COPG2: variants seen among roughly 807,000 people sequenced by gnomAD.
COPG2 encodes the protein coat protein complex I subunit gamma 2, also known as coatomer subunit gamma-2.
Under a neutral mutation model 46.3 loss-of-function variants are expected in COPG2, and 37 were observed. That is an observed-to-expected ratio of 0.80 (90% confidence interval 0.61 to 1.05). COPG2 has a LOEUF of 1.05. Ranked by LOEUF, COPG2 falls within the 50% of genes least tolerant of loss-of-function variation. COPG2 has a pLI of 0.00. For missense variants in COPG2, 427 were observed against 387.8 expected (o/e 1.10, Z -0.85); for synonymous variants, 159 against 129.7 (o/e 1.23, Z -1.53).
chr7:130,513,290 T>TAAAA (rs1205677638), intron 20 of COPG2, among the ~76,000 whole-genome samples: 367 of 20,132 alleles, frequency 0.018, 32 homozygotes, highest in Middle Eastern at 0.036. Context: ...TAATTCTGTC[T>TAAAA]AAAAAAAAAA....
At chr7:130,558,360 A>G (rs1345324669) in intron 12 of COPG2, among the ~76,000 whole-genome samples, 4 of 152,148 alleles carry the variant, frequency 2.6e-5, no homozygotes, top group African/African-American at 9.7e-5. Context: ...TGCTCCTGCC[A>G]TGTAAGACGT....
chr7:130,645,095 T>C (rs1554457955), intron 5 of COPG2: 1 of 334,900 alleles, frequency 3.0e-6, no homozygotes, highest in Non-Finnish European at 5.8e-6. Context: ...AGAAAAGAAA[T>C]GCTTAAGCAT....
chr7:130,640,280 C>T (rs917403201), intron 5 of COPG2, among the ~76,000 whole-genome samples: 22 of 145,496 alleles, frequency 1.5e-4, no homozygotes, highest in African/African-American at 4.7e-4. Flanking sequence ...TTGGGTCAAA[C>T]TCAAGGTATA....
rs113222075 is a variant in COPG2, at chr7:130,657,963, T to C, written c.243+5004A>G. ...GTGATGGCGGGAATGATTACAAATA[T>C]TTTAGAAAAATGGGTTGGTAGTTTC... On this transcript the variant is annotated intron_variant, in intron 4 of 23. Coordinates refer to ENST00000425248, the MANE Select transcript of COPG2 (RefSeq NM_012133.6). Among the ~76,000 whole-genome samples, 1,237 of 152,310 alleles carry C rather than the reference T, an allele frequency of 8.1e-3. 9 individuals carry two copies. Among genetic ancestry groups the C allele is most frequent in the Middle Eastern group, 0.034 (10 of 294 alleles).
At chr7:130,623,974 C>T (rs527272509) in intron 5 of COPG2, among the ~76,000 whole-genome samples, 1 of 151,970 alleles carries the variant, frequency 6.6e-6, no homozygotes, top group Admixed American at 6.6e-5. Context: ...AAACAATAAA[C>T]ATTTATTTTT....
chr7:130,659,098 G>C (rs1795917184), intron 4 of COPG2, among the ~76,000 whole-genome samples: 1 of 152,034 alleles, frequency 6.6e-6, no homozygotes, highest in African/African-American at 2.4e-5. Context: ...GCTTACGCCT[G>C]CAATCCCAGC....
chr7:130,652,225 C>T (rs956491910), intron 5 of COPG2, among the ~76,000 whole-genome samples: 19 of 152,108 alleles, frequency 1.2e-4, no homozygotes, highest in Non-Finnish European at 2.9e-5. Context: ...AAGGATAGTT[C>T]CACAGATGTG....
chr7:130,550,515 A>C lies in COPG2; in HGVS notation c.1774+9T>G. The stretch of plus-strand genomic sequence containing the variant: ...ACTACTTATACACAGAAAAATGAAT[A>C]GAGTGAACCTGCTTTCTGTTCAAAG... On this transcript the variant is annotated intron_variant, in intron 17 of 23. Coordinates refer to ENST00000425248, the MANE Select transcript of COPG2 (RefSeq NM_012133.6). 1 of 396,490 alleles carries C rather than the reference A, an allele frequency of 2.5e-6. No individual in the cohort carries two copies. The highest frequency in any genetic ancestry group is 4.4e-6 in the Non-Finnish European group (1 of 224,786). The allele number at this position is 396,490 out of a possible 1,614,324, so 24.6% of individuals were successfully genotyped here. A position where few individuals can be genotyped will look rare whatever the true frequency, so the allele number is the denominator to read the frequency against.
At chr7:130,554,431 AAGTAT>A (rs1166961876) in intron 14 of COPG2, 45 bp downstream of exon 14, 1 of 398,114 alleles carries the variant, frequency 2.5e-6, no homozygotes, top group Non-Finnish European at 4.4e-6. Context: ...TCACTCTCTT[AAGTAT>A]TTCAAAAGAT....
At chr7:130,587,596 A>G (rs1794301650) in intron 9 of COPG2, among the ~76,000 whole-genome samples, 1 of 152,190 alleles carries the variant, frequency 6.6e-6, no homozygotes, top group South Asian at 2.1e-4. Flanking sequence ...CCATATGTAG[A>G]AAGCTGAAAC....
At chr7:130,562,825 G>C (rs1317385725) in intron 11 of COPG2, among the ~76,000 whole-genome samples, 1 of 152,132 alleles carries the variant, frequency 6.6e-6, no homozygotes, top group African/African-American at 2.4e-5. Flanking sequence ...GATTCACAGT[G>C]GGTTTCTACT....
chr7:130,567,270 T>TA (rs1167241510), intron 9 of COPG2, among the ~76,000 whole-genome samples: 2 of 151,952 alleles, frequency 1.3e-5, no homozygotes, highest in African/African-American at 2.4e-5. Flanking sequence ...AGGATGAGGA[T>TA]AAAAAAACTA....
At chr7:130,621,351 C>T (rs1449227000) in intron 5 of COPG2, among the ~76,000 whole-genome samples, 2 of 152,168 alleles carry the variant, frequency 1.3e-5, no homozygotes, top group Non-Finnish European at 2.9e-5. Context: ...GTAACTTGTT[C>T]CAGCAGCACT....
Position 130,668,706 on chromosome 7 carries a change from G to T in COPG2, c.-38C>A. The T allele has an allele frequency of 2.0e-6, 3 of 1,514,124 alleles. No homozygotes were observed. Among genetic ancestry groups the T allele is most frequent in the South Asian group, 1.3e-5 (1 of 79,662 alleles). The allele number at this position is 1,514,124 out of a possible 1,614,324, so 93.8% of individuals were successfully genotyped here. ...CCCAGCGCCCAGACCCACCGCAACC[G>T]TCCCAGGCGCCGCAGCCGGCGAGCG... On this transcript the variant is annotated 5_prime_UTR_variant, in exon 1 of 24. Coordinates refer to ENST00000425248, the MANE Select transcript of COPG2 (RefSeq NM_012133.6).
At position 130,547,677 on chromosome 7, in the gene COPG2, C is replaced by T. The variant is rs906167388; in HGVS notation, c.2146G>A (p.Ala716Thr). 4 of 398,416 alleles carry T rather than the reference C, an allele frequency of 1.0e-5. No individual in the cohort carries two copies. Among genetic ancestry groups the T allele is most frequent in the Non-Finnish European group, 1.8e-5 (4 of 226,076 alleles). 24.7% of individuals were successfully genotyped at this position (398,416 alleles called of 1,614,324 possible). The change falls in exon 20 of 24, where the codon GCA (alanine) becomes ACA (threonine). Residue 716 changes from alanine to threonine, a missense_variant. Physicochemically the swap from Ala to Thr is moderately conservative, Grantham distance 58. Coordinates refer to ENST00000425248, the MANE Select transcript of COPG2 (RefSeq NM_012133.6). ...CCTCCCTTCTGAGGGTTAGTACCTG[C>T]TGTAGGGTCATCATCAGGCAAACGA... ...LVRLPDDDPT[A>T]VAGSFSCTMK...
rs1794835813 is a variant in COPG2 at position 130,610,940 on chromosome 7, T to C, written c.737+13A>G. On this transcript the variant is annotated intron_variant, in intron 9 of 23. Transcript: ENST00000425248. The stretch of plus-strand genomic sequence containing the variant: ...AAATGGAAAATAACCCAGGTTTAGG[T>C]GAAGACACTTACCCATCCTCAGTTT... 6.2e-7 allele frequency: 1 copy of C among 1,613,700 alleles called. No individual in the cohort carries two copies. The highest frequency in any genetic ancestry group is 1.1e-5 in the South Asian group (1 of 91,084).
At chr7:130,578,110 T>C (rs1249116174) in intron 9 of COPG2, among the ~76,000 whole-genome samples, 2 of 151,816 alleles carry the variant, frequency 1.3e-5, no homozygotes, top group Admixed American at 1.3e-4. Context: ...CTGACAGCTT[T>C]GAAGAGAGCA....
In COPG2 at chr7:130,653,002, A is replaced by T. The variant is rs1795777717; in HGVS notation, c.244-54T>A. On this transcript the variant is annotated intron_variant, in intron 4 of 23. Coordinates refer to ENST00000425248, the MANE Select transcript of COPG2 (RefSeq NM_012133.6). ...ATTATTGATTAGGAAATGGTTTTTT[A>T]AATTATTTGAAGTGAGGACCCCAAG... 3.2e-6 allele frequency: 4 copies of T among 1,237,496 alleles called. No individual in the cohort carries two copies. In the East Asian group the frequency reaches 7.4e-5, roughly 23 times the overall value. The allele number at this position is 1,237,496 out of a possible 1,614,324, so 76.7% of individuals were successfully genotyped here. A position where few individuals can be genotyped will look rare whatever the true frequency, so the allele number is the denominator to read the frequency against.
intron 20 of COPG2, among the ~76,000 whole-genome samples, chr7:130,514,417 AG>A (rs1427953373): frequency 6.6e-6 from 1 of 152,190 alleles, no homozygotes; most frequent in Admixed American, 6.5e-5. Flanking sequence ...AAATCACCAA[AG>A]GGGAGAAACA....
Sources: allele counts gnomAD v4.1 joint callset (sites outside exome capture counted in the v4.1 genomes callset), GRCh38; gene constraint gnomAD v4.1.1; transcripts MANE v1.5; gene names NCBI Gene and HGNC (gene_info 2026-07-23, HGNC 2026-07-21).